Variants in VMP1 observed in about 807,000 individuals in gnomAD.
VMP1 encodes ectopic P-granules autophagy protein 3 homolog.
In VMP1, 11 loss-of-function variants were observed where a neutral mutation model predicts 56.0. The ratio of observed to expected loss-of-function variants is 0.20; its 90% CI spans 0.12 to 0.32. The LOEUF (loss-of-function observed/expected upper bound fraction) is 0.32, where lower values mean the gene tolerates loss of function less well. Ranked by LOEUF, VMP1 falls within the 10% of genes least tolerant of loss-of-function variation. The pLI, the probability that VMP1 is intolerant of heterozygous loss-of-function variation, is 1.00. For synonymous variants in VMP1, 149 were observed against 165.0 expected, an observed-to-expected ratio of 0.90 and a Z score of 0.74; for missense variants, 296 against 490.3, an observed-to-expected ratio of 0.60 and a Z score of 3.74.
chr17:59,833,914 A>G (rs762173731), intron 10 of VMP1: 21 of 152,100 alleles, frequency 1.4e-4, no homozygotes, highest in Non-Finnish European at 2.4e-4. Context: ...TGGCTTGACT[A>G]TGGCTATCCC....
At chr17:59,823,217 A>G (rs903544790) in intron 10 of VMP1, among the ~76,000 whole-genome samples, 2 of 152,180 alleles carry the variant, frequency 1.3e-5, no homozygotes, top group African/African-American at 2.4e-5. Flanking sequence ...TGGGAGGCCA[A>G]GGCGGGTAGA....
chr17:59,759,988 T>C (rs1455129115), intron 5 of VMP1, among the ~76,000 whole-genome samples: 2 of 150,830 alleles, frequency 1.3e-5, no homozygotes, highest in Non-Finnish European at 3.0e-5. Context: ...TAGCTAGGTG[T>C]AGTGATGCAT....
At chr17:59,708,687 G>A (rs1279111315) in intron 1 of VMP1, among the ~76,000 whole-genome samples, 3 of 152,208 alleles carry the variant, frequency 2.0e-5, no homozygotes, top group Non-Finnish European at 4.4e-5. Flanking sequence ...GTGTTGTCAT[G>A]ATAGAATTTA....
chr17:59,726,895 C>T (rs1364758450), intron 1 of VMP1, among the ~76,000 whole-genome samples: 1 of 152,130 alleles, frequency 6.6e-6, no homozygotes. Context: ...CTTCTATGAA[C>T]TGGTCTGAAT....
chr17:59,734,891 G>C (rs2034959538), intron 2 of VMP1, among the ~76,000 whole-genome samples: 1 of 146,516 alleles, frequency 6.8e-6, no homozygotes, highest in Non-Finnish European at 1.5e-5. Flanking sequence ...TGCTGAGTTG[G>C]GACTGGTTGC....
chr17:59,774,526 C>T (rs774515700), intron 7 of VMP1, among the ~76,000 whole-genome samples: 6 of 152,188 alleles, frequency 3.9e-5, no homozygotes, highest in Non-Finnish European at 5.9e-5. Context: ...GTGTGCAGAG[C>T]TGCTGAAATG....
At chr17:59,737,992 A>G (rs1435121719) in intron 4 of VMP1, among the ~76,000 whole-genome samples, 3 of 151,984 alleles carry the variant, frequency 2.0e-5, no homozygotes, top group Non-Finnish European at 2.9e-5. Flanking sequence ...GGCTGGTCTC[A>G]AACTCCTGAC....
chr17:59,778,678 T>A (rs568232463), intron 7 of VMP1, among the ~76,000 whole-genome samples: 1 of 152,228 alleles, frequency 6.6e-6, no homozygotes, highest in African/African-American at 2.4e-5. Flanking sequence ...AGAACCTCCA[T>A]GTATCAGTGT....
chr17:59,708,341 T>C (rs908279983), intron 1 of VMP1, among the ~76,000 whole-genome samples: 6 of 152,202 alleles, frequency 3.9e-5, no homozygotes, highest in Admixed American at 3.9e-4. Flanking sequence ...TCCAAACCCC[T>C]GAACCCCGAC....
intron 7 of VMP1, among the ~76,000 whole-genome samples, chr17:59,800,780 A>T (rs1425562883): frequency 6.6e-6 from 1 of 152,078 alleles, no homozygotes; most frequent in African/African-American, 2.4e-5. Flanking sequence ...TGCCAGTCAT[A>T]TAAAACTATA....
At chr17:59,773,482 G>T (rs1489542392) in intron 6 of VMP1, among the ~76,000 whole-genome samples, 2 of 151,380 alleles carry the variant, frequency 1.3e-5, no homozygotes, top group Non-Finnish European at 2.9e-5. Context: ...TGATCTTCCT[G>T]CCTCAGCATC....
At chr17:59,779,514 C>T (rs2144063719) in intron 7 of VMP1, among the ~76,000 whole-genome samples, 1 of 152,280 alleles carries the variant, frequency 6.6e-6, no homozygotes, top group Non-Finnish European at 1.5e-5. Context: ...ATATCCCTCA[C>T]CTGTACGCTC....
rs2039024952 is a variant in VMP1 at position 59,837,703 on chromosome 17, T to C, written c.975-592T>C. Reference sequence around the variant, plus strand: ...ACTAGTGGGAGGTGCCTCCCAAGTTTGCTAATGCATTCTTTTTGGATAAGG... The same window carrying C: ...ACTAGTGGGAGGTGCCTCCCAAGTTCGCTAATGCATTCTTTTTGGATAAGG... On this transcript the variant is annotated intron_variant, in intron 10 of 11. Coordinates refer to ENST00000262291, the MANE Select transcript of VMP1 (RefSeq NM_030938.5). 3 of 152,346 alleles carry C rather than the reference T, an allele frequency of 2.0e-5. No individual in the cohort carries two copies. The South Asian group carries it at 6.2e-4, about 32-fold the overall frequency. 9.4% of individuals were successfully genotyped at this position (152,346 alleles called of 1,614,324 possible). A position where few individuals can be genotyped will look rare whatever the true frequency, so the allele number is the denominator to read the frequency against.
chr17:59,741,826 GTGTA>G lies in VMP1; in HGVS notation c.414+2884_414+2887del, dbSNP rs1448313974. On this transcript the variant is annotated intron_variant, in intron 5 of 11. Transcript: ENST00000262291. ...ATTGTTATTAACTATAGTCCTCATA[GTGTA>G]TGTAGAGTACATTGGATCTTTTGAC... Among the ~76,000 whole-genome samples, 11 of 152,148 alleles carry G rather than the reference GTGTA, an allele frequency of 7.2e-5. No homozygotes were observed. In the East Asian group the frequency reaches 2.1e-3, roughly 29 times the overall value.
intron 1 of VMP1, among the ~76,000 whole-genome samples, chr17:59,719,346 T>C (rs1428555057): frequency 9.5e-6 from 1 of 105,264 alleles, no homozygotes; most frequent in African/African-American, 3.4e-5. Flanking sequence ...AACAAATAGA[T>C]ACTTCTGAAA....
At position 59,721,334 on chromosome 17, in the gene VMP1, G is replaced by A. The variant is rs144460129; in HGVS notation, c.-26-10087G>A. On this transcript the variant is annotated intron_variant, in intron 1 of 11. Coordinates refer to ENST00000262291, the MANE Select transcript of VMP1 (RefSeq NM_030938.5). ...GCACTCCAGCCTGGGCGACAAGAGCGAAACTCCGTCTCAAAAAAGAAAAAT... is the reference window on the plus strand; with the variant it reads ...GCACTCCAGCCTGGGCGACAAGAGCAAAACTCCGTCTCAAAAAAGAAAAAT... Among the ~76,000 whole-genome samples, 1,358 of 152,238 alleles carry A rather than the reference G, an allele frequency of 8.9e-3. 13 individuals are homozygous for A. The highest frequency in any genetic ancestry group is 0.013 in the Non-Finnish European group (872 of 68,008).
chr17:59,788,634 G>A (rs1352987705), intron 7 of VMP1, among the ~76,000 whole-genome samples: 4 of 151,960 alleles, frequency 2.6e-5, no homozygotes, highest in Admixed American at 6.5e-5. Context: ...GCGAAACCCC[G>A]TCTCTACTAA....
intron 10 of VMP1, among the ~76,000 whole-genome samples, chr17:59,831,903 A>G (rs901861580): frequency 4.6e-5 from 7 of 151,694 alleles, no homozygotes; most frequent in African/African-American, 1.7e-4. Flanking sequence ...GGATCTCACT[A>G]TTTTACCCAG....
intron 6 of VMP1, among the ~76,000 whole-genome samples, chr17:59,770,080 C>T (rs2036370690): frequency 6.6e-6 from 1 of 152,118 alleles, no homozygotes; most frequent in African/African-American, 2.4e-5. Flanking sequence ...GAGAATTAAA[C>T]TAAAATATAA....
Sources: allele counts gnomAD v4.1 joint callset (sites outside exome capture counted in the v4.1 genomes callset), GRCh38; gene constraint gnomAD v4.1.1; transcripts MANE v1.5; gene names NCBI Gene and HGNC (gene_info 2026-07-23, HGNC 2026-07-21).